Variants in CWF19L2 observed in about 807,000 individuals in gnomAD.
CWF19L2 encodes CWF19 like cell cycle control factor 2, also known as CWF19-like protein 2.
CWF19L2 carries 98 observed loss-of-function variants against 111.7 expected under a neutral mutation model. The observed-to-expected ratio is 0.88, with a 90% CI of 0.75 to 1.04. CWF19L2 has a LOEUF of 1.04. Among genes scored for constraint, CWF19L2 ranks in the 50% least tolerant of loss-of-function variants. The pLI is 0.00. For missense variants in CWF19L2, 1,101 were observed against 1,051.4 expected, an observed-to-expected ratio of 1.05 and a Z score of -0.65; for synonymous variants, 351 against 342.9, an observed-to-expected ratio of 1.02 and a Z score of -0.26.
chr11:107,435,781 C>T (rs1490294684), intron 6 of CWF19L2, among the ~76,000 whole-genome samples: 8 of 151,896 alleles, frequency 5.3e-5, no homozygotes, highest in African/African-American at 9.7e-5. Context: ...ACTTGCAGTA[C>T]CATCCCAAAA....
chr11:107,430,337 C>G (rs1327172330), intron 7 of CWF19L2, among the ~76,000 whole-genome samples: 1 of 151,672 alleles, frequency 6.6e-6, no homozygotes. Flanking sequence ...AGCTGTTCAT[C>G]CATAATAATA....
intron 10 of CWF19L2, among the ~76,000 whole-genome samples, chr11:107,409,776 C>G (rs1237266720): frequency 6.6e-6 from 1 of 152,050 alleles, no homozygotes; most frequent in African/African-American, 2.4e-5. Flanking sequence ...AGAAGCTGTA[C>G]TTGTGTGATG....
intron 3 of CWF19L2, among the ~76,000 whole-genome samples, chr11:107,447,261 C>A (rs185123782): frequency 6.6e-6 from 1 of 152,108 alleles, no homozygotes; most frequent in Non-Finnish European, 1.5e-5. Context: ...GGAATTTGAA[C>A]TTTGTGAAGG....
At chr11:107,454,669 A>T in intron 2 of CWF19L2, 97 bp from the exon 3 acceptor site, 2 of 854,084 alleles carry the variant, frequency 2.3e-6, no homozygotes, top group Non-Finnish European at 3.1e-6. Flanking sequence ...ATTCTAAAAA[A>T]CTTTCAATCT....
At chr11:107,335,129 T>C (rs1242578607) in intron 15 of CWF19L2, among the ~76,000 whole-genome samples, 168 bp from the exon 16 acceptor site, 2 of 152,204 alleles carry the variant, frequency 1.3e-5, no homozygotes, top group Non-Finnish European at 2.9e-5. Context: ...ACTTCTTAAA[T>C]TTTTGAAATC....
At chr11:107,359,148 C>A (rs187826312) in intron 12 of CWF19L2, among the ~76,000 whole-genome samples, 10 of 152,224 alleles carry the variant, frequency 6.6e-5, no homozygotes, top group Non-Finnish European at 1.0e-4. Context: ...TGCTGAATAC[C>A]CAGTCTGCCA....
intron 8 of CWF19L2, among the ~76,000 whole-genome samples, chr11:107,427,367 A>G (rs11212228): frequency 3.9e-5 from 6 of 152,196 alleles, no homozygotes; most frequent in African/African-American, 1.2e-4. Context: ...ACATGTATAC[A>G]TACATATATA....
intron 10 of CWF19L2, among the ~76,000 whole-genome samples, chr11:107,409,109 GAC>G (rs1861121075): frequency 6.8e-6 from 1 of 147,454 alleles, no homozygotes; most frequent in South Asian, 2.1e-4. Flanking sequence ...AAAAAAAAAA[GAC>G]ACAGTCTAAC....
intron 12 of CWF19L2, among the ~76,000 whole-genome samples, chr11:107,386,821 T>C (rs1000553991): frequency 5.9e-5 from 9 of 152,044 alleles, no homozygotes; most frequent in African/African-American, 2.2e-4. Flanking sequence ...TTTGGGAGTC[T>C]GAGATGGGCG....
At chr11:107,406,601 G>A (rs950327179) in intron 10 of CWF19L2, among the ~76,000 whole-genome samples, 1 of 151,616 alleles carries the variant, frequency 6.6e-6, no homozygotes, top group Non-Finnish European at 1.5e-5. Flanking sequence ...TCATATAGGC[G>A]CAATGCAGCC....
intron 3 of CWF19L2, among the ~76,000 whole-genome samples, chr11:107,445,446 A>C (rs1431733025): frequency 6.6e-6 from 1 of 152,084 alleles, no homozygotes; most frequent in African/African-American, 2.4e-5. Flanking sequence ...TCTACTAAAA[A>C]TACAAAAATT....
At chr11:107,443,478 C>CA (rs34205274) in intron 3 of CWF19L2, among the ~76,000 whole-genome samples, 26,842 of 148,292 alleles carry the variant, frequency 0.18, 2,562 homozygotes, top group Middle Eastern at 0.27. Context: ...GACTCCGTCT[C>CA]AAAAAAAAAA....
At chr11:107,403,979 A>G (rs1861043439) in intron 10 of CWF19L2, 2 of 861,642 alleles carry the variant, frequency 2.3e-6, no homozygotes, top group Non-Finnish European at 4.0e-6. Flanking sequence ...AACTGACCGA[A>G]CGTCTGGCAC....
chr11:107,405,145 T>C (rs1861059150), intron 10 of CWF19L2, among the ~76,000 whole-genome samples: 1 of 152,238 alleles, frequency 6.6e-6, no homozygotes, highest in Non-Finnish European at 1.5e-5. Context: ...CATGACAGAT[T>C]AAAATTCTAC....
chr11:107,340,618 T>G (rs568165099), intron 14 of CWF19L2, among the ~76,000 whole-genome samples: 2 of 152,326 alleles, frequency 1.3e-5, no homozygotes, highest in East Asian at 3.9e-4. Flanking sequence ...GTAAGGCTGA[T>G]TCTTGCAACT....
At chr11:107,401,742 T>C (rs1861002914) in intron 10 of CWF19L2, among the ~76,000 whole-genome samples, 1 of 152,018 alleles carries the variant, frequency 6.6e-6, no homozygotes, top group Admixed American at 6.5e-5. Flanking sequence ...ATTCTAAAAT[T>C]CATAGAAACT....
At chr11:107,413,199 C>T (rs919108144) in intron 10 of CWF19L2, among the ~76,000 whole-genome samples, 7 of 152,014 alleles carry the variant, frequency 4.6e-5, no homozygotes, top group African/African-American at 1.7e-4. Context: ...CTATTGATAA[C>T]GGGGGAGGCT....
intron 11 of CWF19L2, among the ~76,000 whole-genome samples, chr11:107,392,084 G>A (rs1860856694): frequency 6.6e-6 from 1 of 152,002 alleles, no homozygotes; most frequent in African/African-American, 2.4e-5. Context: ...TACATTAGAA[G>A]ACATATCCAT....
intron 12 of CWF19L2, among the ~76,000 whole-genome samples, chr11:107,361,343 T>C (rs1860331858): frequency 6.6e-6 from 1 of 152,252 alleles, no homozygotes; most frequent in African/African-American, 2.4e-5. Flanking sequence ...TACCAAGCTG[T>C]TTTGGTTACT....
Sources: gnomAD v4.1 joint callset for allele counts (sites outside exome capture counted in the v4.1 genomes callset) on GRCh38, gnomAD v4.1.1 for gene constraint, MANE v1.5 for transcripts, NCBI Gene and HGNC (gene_info 2026-07-23, HGNC 2026-07-21) for gene names.